PTPRO: variants seen among roughly 807,000 people sequenced by gnomAD.
PTPRO encodes protein tyrosine phosphatase receptor type O, also known as receptor-type tyrosine-protein phosphatase O.
In PTPRO, 62 loss-of-function variants were observed where a neutral mutation model predicts 145.2. The ratio of observed to expected loss-of-function variants is 0.43; its 90% CI spans 0.35 to 0.53. The LOEUF is 0.53. Among genes scored for constraint, PTPRO ranks in the 20% least tolerant of loss-of-function variants. The probability of loss-of-function intolerance (pLI) is 0.01; values close to 1 mark genes in which losing one functional copy is unlikely to be tolerated. For missense variants in PTPRO, 1,345 were observed against 1,482.7 expected, an observed-to-expected ratio of 0.91 and a Z score of 1.53; for synonymous variants, 565 against 514.7, an observed-to-expected ratio of 1.10 and a Z score of -1.32.
intron 1 of PTPRO, among the ~76,000 whole-genome samples, chr12:15,367,678 A>G (rs1261586949): frequency 6.6e-6 from 1 of 152,202 alleles, no homozygotes; most frequent in Non-Finnish European, 1.5e-5. Context: ...CCTGTTCTCC[A>G]GTAGTCTTCC....
chr12:15,423,856 C>G (rs942637655), intron 1 of PTPRO, among the ~76,000 whole-genome samples: 5 of 152,218 alleles, frequency 3.3e-5, no homozygotes, highest in African/African-American at 1.2e-4. Flanking sequence ...GCCATGAATA[C>G]TGATGATGAG....
At chr12:15,518,912 G>A (rs1591678134) in intron 9 of PTPRO, among the ~76,000 whole-genome samples, 1 of 152,198 alleles carries the variant, frequency 6.6e-6, no homozygotes, top group African/African-American at 2.4e-5. Context: ...TGTCTTCTGA[G>A]CCCTCCAAAC....
chr12:15,389,042 T>G (rs1327571759), intron 1 of PTPRO, among the ~76,000 whole-genome samples: 1 of 152,070 alleles, frequency 6.6e-6, no homozygotes, highest in Non-Finnish European at 1.5e-5. Flanking sequence ...TCCAACGTGA[T>G]TGTGCCAGTG....
intron 22 of PTPRO, 132 bp from the exon 23 acceptor site, chr12:15,581,547 G>T: frequency 1.4e-5 from 14 of 1,003,338 alleles, no homozygotes; most frequent in African/African-American, 5.4e-5. Context: ...GAAATGGTTT[G>T]CTTTATGTTT....
At chr12:15,502,196 G>A (rs533097300) in intron 5 of PTPRO, 133 bp downstream of exon 5, 1 of 891,640 alleles carries the variant, frequency 1.1e-6, no homozygotes, top group Admixed American at 2.5e-5. Context: ...TGAAAGGGGA[G>A]AATTTAATTG....
intron 1 of PTPRO, among the ~76,000 whole-genome samples, chr12:15,482,793 G>A (rs902798443): frequency 6.6e-6 from 1 of 152,074 alleles, no homozygotes; most frequent in Non-Finnish European, 1.5e-5. Flanking sequence ...CATGTGTTAT[G>A]TGTTATATGA....
intron 1 of PTPRO, among the ~76,000 whole-genome samples, chr12:15,479,770 G>A (rs1941738564): frequency 6.6e-6 from 1 of 152,214 alleles, no homozygotes; most frequent in Non-Finnish European, 1.5e-5. Flanking sequence ...GATTTCAGGA[G>A]GCAGGGAGGT....
intron 1 of PTPRO, among the ~76,000 whole-genome samples, chr12:15,356,746 G>A (rs1938001747): frequency 2.0e-5 from 3 of 152,122 alleles, no homozygotes; most frequent in Admixed American, 2.0e-4. Context: ...GATGAAATAG[G>A]ATCATCAATG....
At chr12:15,394,812 G>A (rs1339473813) in intron 1 of PTPRO, among the ~76,000 whole-genome samples, 1 of 152,080 alleles carries the variant, frequency 6.6e-6, no homozygotes, top group African/African-American at 2.4e-5. Flanking sequence ...ATATATTTAG[G>A]TACCTAGGGA....
chr12:15,534,527 T>C (rs1943028226), intron 12 of PTPRO, among the ~76,000 whole-genome samples: 1 of 152,098 alleles, frequency 6.6e-6, no homozygotes, highest in Non-Finnish European at 1.5e-5. Flanking sequence ...AAGATGGTAA[T>C]AGTGCTGTAC....
At chr12:15,479,755 AG>A (rs1456531796) in intron 1 of PTPRO, among the ~76,000 whole-genome samples, 1 of 152,320 alleles carries the variant, frequency 6.6e-6, no homozygotes, top group African/African-American at 2.4e-5. Context: ...AGTAGCAGAG[AG>A]GAAGATTTCA....
chr12:15,375,120 G>T (rs914048564), intron 1 of PTPRO, among the ~76,000 whole-genome samples: 1 of 152,170 alleles, frequency 6.6e-6, no homozygotes, highest in African/African-American at 2.4e-5. Flanking sequence ...GCCCAATAGA[G>T]TAAGTACAGA....
At chr12:15,326,298 T>TA (rs141017055) in intron 1 of PTPRO, among the ~76,000 whole-genome samples, 2,141 of 152,314 alleles carry the variant, frequency 0.014, 71 homozygotes, top group African/African-American at 0.049. Flanking sequence ...ACTCCTTTAA[T>TA]AAATCATATT....
At chr12:15,559,616 A>G (rs1943722548) in intron 16 of PTPRO, among the ~76,000 whole-genome samples, 1 of 152,190 alleles carries the variant, frequency 6.6e-6, no homozygotes, top group African/African-American at 2.4e-5. Flanking sequence ...TGTATCATCC[A>G]TACCTCTGTT....
chr12:15,551,588 G>A lies in PTPRO; in HGVS notation c.2475G>A (p.Val825=). Residue 825 remains valine (V), a synonymous_variant, in exon 15 of 27, where the codon GTG becomes GTA. Transcript: ENST00000281171. ...ATCCCAATGTGGTAGTGATCTCCGT[G>A]CTGGCCATCCTTAGCACACTTTTAA... is the stretch of plus-strand genomic sequence containing the variant. ...EMNPNVVVIS[V]LAILSTLLIG... is the part of the protein sequence containing the mutation. 1.2e-6 allele frequency: 2 copies of A among 1,613,650 alleles called. No individual in the cohort carries two copies. Among genetic ancestry groups the A allele is most frequent in the Non-Finnish European group, 1.7e-6 (2 of 1,179,748 alleles).
Position 15,488,305 on chromosome 12 carries a change from T to C in PTPRO, c.349+4058T>C, listed in dbSNP as rs191358948. ...TTATCCCAAATTTGAGGGGCAATAATAGGTTGGGAATATCAGAAGTGGGAA... is the reference window on the plus strand; with the variant it reads ...TTATCCCAAATTTGAGGGGCAATAACAGGTTGGGAATATCAGAAGTGGGAA... On this transcript the variant is annotated intron_variant, in intron 2 of 26. Transcript: ENST00000281171. 2.2e-3 allele frequency among the ~76,000 whole-genome samples: 335 copies of C among 152,328 alleles called. 5 individuals are homozygous for C. The highest frequency in any genetic ancestry group is 0.017 in the Middle Eastern group (5 of 294).
At chr12:15,549,377 T>A (rs1943392979) in intron 14 of PTPRO, 151 bp downstream of exon 14, 1 of 529,692 alleles carries the variant, frequency 1.9e-6, no homozygotes, top group Non-Finnish European at 2.9e-6. Context: ...AGCTATGGAG[T>A]TAGAGAAAGA....
chr12:15,475,891 A>G (rs1213069028), intron 1 of PTPRO, among the ~76,000 whole-genome samples: 7 of 152,208 alleles, frequency 4.6e-5, no homozygotes, highest in Non-Finnish European at 1.0e-4. Flanking sequence ...TATCATGGGT[A>G]TGATTACTCT....
rs1264432676 is a variant in PTPRO, at chr12:15,546,531, G to C, written c.2165-38G>C. 1.9e-6 allele frequency: 3 copies of C among 1,550,952 alleles called. No homozygotes were observed. The South Asian group carries it at 3.6e-5, about 18-fold the overall frequency. The stretch of plus-strand genomic sequence containing the variant: ...AGTGAAAGAAGAAAGAATACACTTA[G>C]TAAATTAAATTTTTTTTAAAACTTT... On this transcript the variant is annotated intron_variant, in intron 12 of 26. Coordinates refer to ENST00000281171, the MANE Select transcript of PTPRO (RefSeq NM_030667.3).
Sources: allele counts gnomAD v4.1 joint callset (sites outside exome capture counted in the v4.1 genomes callset), GRCh38; gene constraint gnomAD v4.1.1; transcripts MANE v1.5; gene names NCBI Gene and HGNC (gene_info 2026-07-23, HGNC 2026-07-21).